The following NCOA3 variants were observed in gnomAD, a reference collection of about 807,000 sequenced individuals.
NCOA3 encodes the protein CBP-interacting protein.
NCOA3 carries 51 observed loss-of-function variants against 158.8 expected under a neutral mutation model. The observed-to-expected ratio is 0.32, with a 90% confidence interval of 0.26 to 0.41. The LOEUF (loss-of-function observed/expected upper bound fraction) is 0.41, where lower values mean the gene tolerates loss of function less well. Among genes scored for constraint, NCOA3 ranks in the 10% least tolerant of loss-of-function variants. The pLI, the probability that NCOA3 is intolerant of heterozygous loss-of-function variation, is 1.00. For synonymous variants in NCOA3, 537 were observed against 592.4 expected (o/e 0.91, Z 1.36); for missense variants, 1,510 against 1,746.6 (o/e 0.86, Z 2.41).
rs541481543 is a variant in NCOA3 at position 47,561,055 on chromosome 20, T to C, written c.-98-22128T>C. 1.5e-3 allele frequency among the ~76,000 whole-genome samples: 226 copies of C among 148,958 alleles called. 1 individual carries two copies. Among genetic ancestry groups the C allele is most frequent in the Middle Eastern group, 3.5e-3 (1 of 286 alleles). On this transcript the variant is annotated intron_variant, in intron 1 of 22. Transcript: ENST00000371998. ...TGATTTTGGCTCACTGCAGCTTGAC[T>C]TCTGGGGCTCAGGCGATCCTCCTAC... is the stretch of plus-strand genomic sequence containing the variant.
chr20:47,524,656 C>T (rs550606948), intron 1 of NCOA3, among the ~76,000 whole-genome samples: 2 of 152,316 alleles, frequency 1.3e-5, no homozygotes, highest in East Asian at 3.9e-4. Context: ...GGTACAGAGA[C>T]AGAGGGAGGG....
At chr20:47,652,671 A>T in intron 21 of NCOA3, 91 bp downstream of exon 21, 2 of 1,268,242 alleles carry the variant, frequency 1.6e-6, no homozygotes, top group Non-Finnish European at 2.2e-6. Context: ...TTTTGGATGG[A>T]GAGGTTGAAA....
rs141187512 is a variant in NCOA3, at chr20:47,540,911, G to A, written c.-99+38892G>A. Among the ~76,000 whole-genome samples the A allele has an allele frequency of 9.2e-5, 14 of 152,284 alleles. No homozygotes were observed. In the East Asian group the frequency reaches 2.5e-3, roughly 27 times the overall value. ...AATTCCTGGGAGATATTTTCAGTTA[G>A]TGAGATTATTTACTTTACCTTTAAA... On this transcript the variant is annotated intron_variant, in intron 1 of 22. Coordinates refer to ENST00000371998, the MANE Select transcript of NCOA3 (RefSeq NM_181659.3).
chr20:47,599,633 T>G (rs1277420243), intron 2 of NCOA3, among the ~76,000 whole-genome samples: 2 of 152,206 alleles, frequency 1.3e-5, no homozygotes, highest in African/African-American at 4.8e-5. Flanking sequence ...GGAAAAATAT[T>G]ACTTTCCTCA....
At position 47,587,668 on chromosome 20, in the gene NCOA3, AT is replaced by A. The variant is rs534126499; in HGVS notation, c.-20+4413del. Among the ~76,000 whole-genome samples the A allele has an allele frequency of 5.9e-5, 9 of 152,126 alleles. 1 individual carries two copies. The East Asian group carries it at 1.7e-3, about 29-fold the overall frequency. ...ACTGTGTAGGTTGTTGTTAAACTGT[AT>A]TTTTTAATTTGTATTTTATTGCTGT... On this transcript the variant is annotated intron_variant, in intron 2 of 22. Coordinates refer to ENST00000371998, the MANE Select transcript of NCOA3 (RefSeq NM_181659.3).
intron 13 of NCOA3, 127 bp from the exon 14 acceptor site, chr20:47,638,881 A>T: frequency 1.3e-6 from 1 of 768,792 alleles, no homozygotes. Context: ...TTATTTTGTA[A>T]AGGAAGACAG....
At chr20:47,525,160 ATC>A (rs1369566509) in intron 1 of NCOA3, among the ~76,000 whole-genome samples, 1 of 150,252 alleles carries the variant, frequency 6.7e-6, no homozygotes, top group Non-Finnish European at 1.5e-5. Context: ...GCCTTCAAGC[ATC>A]TGTTTAACAA....
In NCOA3 at chr20:47,651,089, G is replaced by GCAA; in HGVS notation, c.3762_3764dup (p.Gln1276dup). On this transcript the variant is annotated inframe_insertion, in exon 20 of 23. Coordinates refer to ENST00000371998, the MANE Select transcript of NCOA3 (RefSeq NM_181659.3). ...TGATGATGCAGCAGCAGCAGCAGCA[G>GCAA]CAACAGCAGCAGCAGCAGCAGCAGC... 8.4e-7 allele frequency: 1 copy of GCAA among 1,193,402 alleles called. No individual in the cohort carries two copies. Among genetic ancestry groups the GCAA allele is most frequent in the South Asian group, 1.4e-5 (1 of 69,800 alleles). 73.9% of individuals were successfully genotyped at this position (1,193,402 alleles called of 1,614,324 possible). A position where few individuals can be genotyped will look rare whatever the true frequency, so the allele number is the denominator to read the frequency against.
At chr20:47,525,019 A>G (rs1376067079) in intron 1 of NCOA3, among the ~76,000 whole-genome samples, 1 of 148,178 alleles carries the variant, frequency 6.7e-6, no homozygotes, top group Non-Finnish European at 1.5e-5. Context: ...TAGTGGAGGG[A>G]AGGTCAGCAG....
intron 8 of NCOA3, chr20:47,630,211 C>G (rs1287846426): frequency 6.6e-6 from 1 of 152,138 alleles, no homozygotes; most frequent in Non-Finnish European, 1.5e-5. Context: ...ATCCCTTTTC[C>G]CTAGTCTCCC....
At chr20:47,596,096 C>T (rs1028768835) in intron 2 of NCOA3, among the ~76,000 whole-genome samples, 8 of 152,202 alleles carry the variant, frequency 5.3e-5, no homozygotes, top group Non-Finnish European at 1.0e-4. Flanking sequence ...AAGAACGGGA[C>T]GGTCAGTTCG....
chr20:47,614,537 TAATCATACCTTGTA>T (rs1215033822), intron 2 of NCOA3, among the ~76,000 whole-genome samples: 1 of 152,218 alleles, frequency 6.6e-6, no homozygotes, highest in Non-Finnish European at 1.5e-5. Flanking sequence ...TTAGTGTATT[TAATCATACCTTGTA>T]TAAGTTAGGG....
At chr20:47,626,228 A>G (rs2086319448) in intron 5 of NCOA3, among the ~76,000 whole-genome samples, 1 of 152,208 alleles carries the variant, frequency 6.6e-6, no homozygotes, top group South Asian at 2.1e-4. Flanking sequence ...TTAACTTGTC[A>G]ACTTCTTTTT....
At chr20:47,520,545 C>G (rs1433147325) in intron 1 of NCOA3, among the ~76,000 whole-genome samples, 1 of 152,232 alleles carries the variant, frequency 6.6e-6, no homozygotes, top group Admixed American at 6.5e-5. Flanking sequence ...GCGGAAGGCT[C>G]AACCCCTCAA....
intron 20 of NCOA3, among the ~76,000 whole-genome samples, chr20:47,651,674 T>A (rs975187777): frequency 6.6e-6 from 1 of 152,074 alleles, no homozygotes; most frequent in Non-Finnish European, 1.5e-5. Flanking sequence ...ATTTATTATT[T>A]TTTTTTTGAG....
chr20:47,520,418 G>A (rs2084310128), intron 1 of NCOA3, among the ~76,000 whole-genome samples: 1 of 152,134 alleles, frequency 6.6e-6, no homozygotes, highest in African/African-American at 2.4e-5. Context: ...CTTCCCCTAG[G>A]GGAGGAACCG....
intron 19 of NCOA3, 102 bp from the exon 20 acceptor site, chr20:47,650,880 G>GT (rs1247429953): frequency 1.8e-6 from 2 of 1,126,652 alleles, no homozygotes; most frequent in African/African-American, 3.1e-5. Context: ...AAGGCCCTGG[G>GT]TGTTTTCTGT....
chr20:47,535,577 G>C (rs1488392201), intron 1 of NCOA3, among the ~76,000 whole-genome samples: 1 of 151,212 alleles, frequency 6.6e-6, no homozygotes, highest in East Asian at 1.9e-4. Flanking sequence ...GCGCAATCTC[G>C]GCTCACTGCA....
chr20:47,578,281 G>T (rs1424848386), intron 1 of NCOA3, among the ~76,000 whole-genome samples: 1 of 152,196 alleles, frequency 6.6e-6, no homozygotes, highest in South Asian at 2.1e-4. Context: ...TGCCTACGGG[G>T]TTCAAGCGAT....
Sources: allele counts gnomAD v4.1 joint callset (sites outside exome capture counted in the v4.1 genomes callset), GRCh38; gene constraint gnomAD v4.1.1; transcripts MANE v1.5; gene names NCBI Gene and HGNC (gene_info 2026-07-23, HGNC 2026-07-21).